ZNF420: variants seen among roughly 807,000 people sequenced by gnomAD.
The protein encoded by ZNF420 is ATM and p53-associated KZNF protein.
In ZNF420, 31 loss-of-function variants were observed where a neutral mutation model predicts 44.7. The observed-to-expected ratio is 0.69, with a 90% CI of 0.52 to 0.94. ZNF420 has a LOEUF of 0.94. Among genes scored for constraint, ZNF420 ranks in the 40% least tolerant of loss-of-function variants. The probability of loss-of-function intolerance (pLI) is 0.00; values close to 1 mark genes in which losing one functional copy is unlikely to be tolerated. For missense variants in ZNF420, 681 were observed against 827.9 expected (o/e 0.82, Z 2.18); for synonymous variants, 245 against 267.4 (o/e 0.92, Z 0.82).
intron 4 of ZNF420, among the ~76,000 whole-genome samples, chr19:37,116,221 T>G (rs996137141): frequency 6.6e-6 from 1 of 151,710 alleles, no homozygotes; most frequent in Non-Finnish European, 1.5e-5. Flanking sequence ...ACAAAAAAAT[T>G]TAGCCAGGCA....
intron 1 of ZNF420, among the ~76,000 whole-genome samples, chr19:37,062,506 T>G (rs1325353042): frequency 2.0e-5 from 3 of 152,224 alleles, no homozygotes; most frequent in Admixed American, 2.0e-4. Flanking sequence ...TTTTGTTAAT[T>G]TTAGTTTTAT....
At chr19:37,010,511 G>A (rs1599589503) in intron 1 of ZNF420, among the ~76,000 whole-genome samples, 1 of 152,104 alleles carries the variant, frequency 6.6e-6, no homozygotes, top group Non-Finnish European at 1.5e-5. Flanking sequence ...GTCTGTGTGT[G>A]TGTGTCTCCC....
intron 1 of ZNF420, among the ~76,000 whole-genome samples, chr19:37,019,776 A>T (rs1411204697): frequency 1.3e-5 from 2 of 151,828 alleles, no homozygotes; most frequent in African/African-American, 4.8e-5. Flanking sequence ...TCACAAAAAA[A>T]AAAAAATTAA....
rs951847660 is a variant in ZNF420, at chr19:37,038,991, A to AC, written c.-125+30909_-125+30910insC. Among the ~76,000 whole-genome samples the AC allele has an allele frequency of 4.5e-4, 68 of 151,972 alleles. 1 individual carries two copies. Among genetic ancestry groups the AC allele is most frequent in the Non-Finnish European group, 8.5e-4 (58 of 67,942 alleles). On this transcript the variant is annotated intron_variant, in intron 1 of 4. Transcript: ENST00000587029. ...ACAACAATGAAACTCTGTCTCAAAA[A>AC]AAAAAAGAAAAGAAAAGAAAAAAGA...
chr19:37,081,700 ATT>A (rs35066350), intron 2 of ZNF420, among the ~76,000 whole-genome samples: 2 of 66,912 alleles, frequency 3.0e-5, no homozygotes, highest in Non-Finnish European at 2.8e-5. Flanking sequence ...TAATTTTTGT[ATT>A]TTTTTTTTTT....
chr19:37,104,564 G>A (rs1969969527), intron 4 of ZNF420, among the ~76,000 whole-genome samples: 1 of 152,196 alleles, frequency 6.6e-6, no homozygotes, highest in African/African-American at 2.4e-5. Flanking sequence ...TTGCCACATT[G>A]TCTTCCACAA....
intron 1 of ZNF420, among the ~76,000 whole-genome samples, chr19:37,053,941 A>G (rs980332040): frequency 6.6e-6 from 1 of 152,188 alleles, no homozygotes; most frequent in African/African-American, 2.4e-5. Flanking sequence ...TTGTTTGGCT[A>G]TTCCCTGCGT....
At chr19:37,093,650 T>C (rs988356043) in intron 4 of ZNF420, among the ~76,000 whole-genome samples, 1 of 152,308 alleles carries the variant, frequency 6.6e-6, no homozygotes, top group South Asian at 2.1e-4. Context: ...TACATCAACA[T>C]GAGATTTGGA....
At chr19:37,012,203 CCT>C (rs2074574628) in intron 1 of ZNF420, among the ~76,000 whole-genome samples, 1 of 152,202 alleles carries the variant, frequency 6.6e-6, no homozygotes, top group African/African-American at 2.4e-5. Context: ...CCCGCAGTCG[CCT>C]CTCTCAACGA....
At chr19:37,018,882 T>C (rs565440092) in intron 1 of ZNF420, among the ~76,000 whole-genome samples, 27 of 152,312 alleles carry the variant, frequency 1.8e-4, no homozygotes, top group African/African-American at 6.5e-4. Flanking sequence ...AGTTGAACTC[T>C]TAATGCCATA....
rs191486252 is a variant in ZNF420 at position 37,127,050 on chromosome 19, T to G, written c.137-78T>G. 7.3e-5 allele frequency: 90 copies of G among 1,234,580 alleles called. No homozygotes were observed. The African/African-American group carries it at 1.2e-3, about 17-fold the overall frequency. The allele number at this position is 1,234,580 out of a possible 1,614,324, so 76.5% of individuals were successfully genotyped here. ...ACTCATGTATGTCTGTTATTTCTTA[T>G]GGGCATTATTTTCCTATTATTTGTC... On this transcript the variant is annotated intron_variant, in intron 4 of 4. Coordinates refer to ENST00000337995, the MANE Select transcript of ZNF420 (RefSeq NM_144689.5).
At chr19:37,096,756 C>A (rs1034083649) in intron 4 of ZNF420, among the ~76,000 whole-genome samples, 1 of 152,122 alleles carries the variant, frequency 6.6e-6, no homozygotes, top group Non-Finnish European at 1.5e-5. Flanking sequence ...GGACATCTGT[C>A]ATATTTTTCC....
At position 37,128,673 on chromosome 19, in the gene ZNF420, G is replaced by A; in HGVS notation, c.1682G>A (p.Cys561Tyr). The A allele has an allele frequency of 6.2e-7, 1 of 1,614,154 alleles. No homozygotes were observed. Among genetic ancestry groups the A allele is most frequent in the Non-Finnish European group, 8.5e-7 (1 of 1,180,010 alleles). Reference protein sequence around the residue: ...RIHTGEKPYQCKECGKAFIRG... With the variant: ...RIHTGEKPYQYKECGKAFIRG... ...CATACTGGTGAGAAACCATATCAATGTAAGGAATGTGGGAAAGCCTTTATT... is the reference window on the plus strand; with the variant it reads ...CATACTGGTGAGAAACCATATCAATATAAGGAATGTGGGAAAGCCTTTATT... The change falls in exon 5 of 5, where the codon TGT (cysteine) becomes TAT (tyrosine). Residue 561 changes from cysteine to tyrosine, a missense_variant. By Grantham distance (194) the Cys-to-Tyr change is radical. This residue lies in a region of ZNF420 where 280 missense variants were observed against 338.6 expected (regional missense o/e 0.83). Coordinates refer to ENST00000337995, the MANE Select transcript of ZNF420 (RefSeq NM_144689.5).
intron 2 of ZNF420, among the ~76,000 whole-genome samples, chr19:37,086,850 G>A (rs1395156322): frequency 1.3e-5 from 2 of 152,112 alleles, no homozygotes; most frequent in East Asian, 3.8e-4. Flanking sequence ...TTTAAAATGT[G>A]CTTCTTGTAA....
intron 4 of ZNF420, among the ~76,000 whole-genome samples, chr19:37,111,140 AT>A (rs1211173018): frequency 1.2e-4 from 18 of 152,374 alleles, no homozygotes; most frequent in African/African-American, 3.8e-4. Context: ...CAAGATCAGT[AT>A]TTTGAACAAT....
intron 3 of ZNF420, among the ~76,000 whole-genome samples, chr19:37,089,597 C>T (rs1314864780): frequency 6.6e-6 from 1 of 152,024 alleles, no homozygotes; most frequent in African/African-American, 2.4e-5. Flanking sequence ...AGGGATCTTC[C>T]CCAGGAACAT....
At chr19:37,120,977 A>T in intron 4 of ZNF420, among the ~76,000 whole-genome samples, 1 of 152,104 alleles carries the variant, frequency 6.6e-6, no homozygotes, top group South Asian at 2.1e-4. Context: ...ATAAAAGAGG[A>T]TACAAACAAA....
Position 37,069,477 on chromosome 19 carries a change from C to T in ZNF420, c.-124-10868C>T, listed in dbSNP as rs1010105717. 6.6e-5 allele frequency among the ~76,000 whole-genome samples: 10 copies of T among 152,154 alleles called. 1 individual carries two copies. Among genetic ancestry groups the T allele is most frequent in the East Asian group, 1.9e-4 (1 of 5,180 alleles). On this transcript the variant is annotated intron_variant, in intron 1 of 4. Transcript: ENST00000587029. ...TAAACCCATCACAAGTTGAAAATAT[C>T]ATTAAGTCAAAAATGCTTTTACCTA...
intron 1 of ZNF420, among the ~76,000 whole-genome samples, chr19:37,072,148 AT>A (rs1281782362): frequency 5.9e-5 from 9 of 152,146 alleles, no homozygotes; most frequent in Non-Finnish European, 1.2e-4. Flanking sequence ...AGACTCTTTC[AT>A]TTCTTTTTTA....
Sources: gnomAD v4.1 joint callset for allele counts (sites outside exome capture counted in the v4.1 genomes callset) on GRCh38, gnomAD v4.1.1 for gene constraint, gnomAD v4.1.1 regional missense constraint, MANE v1.5 for transcripts, NCBI Gene and HGNC (gene_info 2026-07-23, HGNC 2026-07-21) for gene names.